KCNIP4: variants seen among roughly 807,000 people sequenced by gnomAD.
KCNIP4 encodes potassium voltage-gated channel interacting protein 4, also known as Kv channel-interacting protein 4.
Under a neutral mutation model 34.0 loss-of-function variants are expected in KCNIP4, and 12 were observed. The ratio of observed to expected loss-of-function variants is 0.35; its 90% CI spans 0.23 to 0.57. The LOEUF (loss-of-function observed/expected upper bound fraction) is 0.57. Ranked by LOEUF, KCNIP4 falls within the 20% of genes least tolerant of loss-of-function variation. The pLI is 0.83. For synonymous variants in KCNIP4, 124 were observed against 102.2 expected (o/e 1.21, Z -1.29); for missense variants, 238 against 311.7 (o/e 0.76, Z 1.78).
At chr4:21,779,000 G>A (rs1006242548) in intron 1 of KCNIP4, among the ~76,000 whole-genome samples, 9 of 150,340 alleles carry the variant, frequency 6.0e-5, no homozygotes, top group South Asian at 2.1e-4. Context: ...GAGTGTGCAC[G>A]TGTGTGGGCA....
chr4:20,975,596 G>C (rs1006450525), intron 1 of KCNIP4, among the ~76,000 whole-genome samples: 4 of 152,156 alleles, frequency 2.6e-5, no homozygotes, highest in African/African-American at 9.7e-5. Flanking sequence ...CAGTTTGGCA[G>C]ACAATTCCAC....
rs574776750 is a variant in KCNIP4 at position 21,073,758 on chromosome 4, A to C, written c.62-191049T>G. Among the ~76,000 whole-genome samples the C allele has an allele frequency of 5.3e-5, 8 of 152,254 alleles. No homozygotes were observed. The East Asian group carries it at 1.3e-3, about 26-fold the overall frequency. ...TTCCAGTTTTTGTCCATTCAGTATG[A>C]TATTGGCCATGGGGTTATCATAAAG... On this transcript the variant is annotated intron_variant, in intron 1 of 8. Coordinates refer to ENST00000382152, the MANE Select transcript of KCNIP4 (RefSeq NM_025221.6).
intron 1 of KCNIP4, among the ~76,000 whole-genome samples, chr4:21,892,565 A>G (rs1457821650): frequency 6.6e-6 from 1 of 151,512 alleles, no homozygotes; most frequent in Non-Finnish European, 1.5e-5. Context: ...AAAAAAAAAA[A>G]AAACTATTGA....
At chr4:20,917,704 CA>C (rs1316439994) in intron 1 of KCNIP4, among the ~76,000 whole-genome samples, 1 of 152,120 alleles carries the variant, frequency 6.6e-6, no homozygotes, top group African/African-American at 2.4e-5. Flanking sequence ...TCTTGAGAAA[CA>C]AATCTGGCCA....
chr4:21,818,690 T>A (rs950775556), intron 1 of KCNIP4, among the ~76,000 whole-genome samples: 1 of 152,210 alleles, frequency 6.6e-6, no homozygotes, highest in African/African-American at 2.4e-5. Context: ...ACTGCTGCAA[T>A]AGATAGTACT....
intron 1 of KCNIP4, among the ~76,000 whole-genome samples, chr4:21,358,150 C>A (rs1718847842): frequency 6.6e-6 from 1 of 152,044 alleles, no homozygotes; most frequent in African/African-American, 2.4e-5. Context: ...AAGAGAACAT[C>A]ACACAGCGGG....
chr4:21,427,421 G>A (rs1355327972), intron 1 of KCNIP4, among the ~76,000 whole-genome samples: 1 of 151,836 alleles, frequency 6.6e-6, no homozygotes, highest in African/African-American at 2.4e-5. Context: ...ATTAAAAAAG[G>A]GACCATACCA....
At chr4:20,982,351 T>A (rs1736145665) in intron 1 of KCNIP4, among the ~76,000 whole-genome samples, 1 of 152,236 alleles carries the variant, frequency 6.6e-6, no homozygotes, top group South Asian at 2.1e-4. Flanking sequence ...ATCATAGAAA[T>A]TGAAATTGCT....
At chr4:21,457,024 C>T (rs1468451490) in intron 1 of KCNIP4, among the ~76,000 whole-genome samples, 1 of 151,954 alleles carries the variant, frequency 6.6e-6, no homozygotes, top group Non-Finnish European at 1.5e-5. Context: ...TCTTTGGTGG[C>T]CTTTGCACAT....
At chr4:21,659,690 GTTA>G (rs576403309) in intron 1 of KCNIP4, among the ~76,000 whole-genome samples, 94 of 152,152 alleles carry the variant, frequency 6.2e-4, no homozygotes, top group African/African-American at 2.2e-3. Context: ...ATTATTGATT[GTTA>G]TTATTATTTT....
chr4:21,128,229 G>T (rs1178798095), intron 1 of KCNIP4, among the ~76,000 whole-genome samples: 1 of 152,174 alleles, frequency 6.6e-6, no homozygotes. Flanking sequence ...GAAAGTCAAG[G>T]GAAGAAAGTC....
At chr4:21,038,057 A>C (rs1741611894) in intron 1 of KCNIP4, among the ~76,000 whole-genome samples, 1 of 152,158 alleles carries the variant, frequency 6.6e-6, no homozygotes, top group Non-Finnish European at 1.5e-5. Flanking sequence ...AGCTCACTGC[A>C]ACCTCTACCT....
chr4:21,607,332 T>G (rs756817672), intron 1 of KCNIP4, among the ~76,000 whole-genome samples: 1 of 152,118 alleles, frequency 6.6e-6, no homozygotes, highest in Non-Finnish European at 1.5e-5. Context: ...ACAGCACAAG[T>G]ACTCAATTAA....
At chr4:21,752,237 G>A (rs184447081) in intron 1 of KCNIP4, among the ~76,000 whole-genome samples, 1 of 152,162 alleles carries the variant, frequency 6.6e-6, no homozygotes, top group East Asian at 1.9e-4. Flanking sequence ...TCAGAGACTG[G>A]GTAATTTATA....
intron 1 of KCNIP4, chr4:21,697,674 T>C (rs1712491153): frequency 7.9e-7 from 1 of 1,270,900 alleles, no homozygotes. Flanking sequence ...GGCTTCTCAG[T>C]GTGGTGACCA....
intron 1 of KCNIP4, among the ~76,000 whole-genome samples, chr4:21,073,476 C>T (rs1745171762): frequency 6.6e-6 from 1 of 152,140 alleles, no homozygotes; most frequent in African/African-American, 2.4e-5. Flanking sequence ...GTGATTTTTG[C>T]ACATTGATTC....
chr4:21,871,285 G>A (rs1401105338), intron 1 of KCNIP4, among the ~76,000 whole-genome samples: 1 of 95,972 alleles, frequency 1.0e-5, no homozygotes, highest in South Asian at 3.9e-4. Flanking sequence ...CCCCACAACA[G>A]GCCCCGGTGT....
At chr4:21,622,296 C>A (rs1745045229) in intron 1 of KCNIP4, among the ~76,000 whole-genome samples, 1 of 152,182 alleles carries the variant, frequency 6.6e-6, no homozygotes, top group Non-Finnish European at 1.5e-5. Context: ...AAAACGGGCC[C>A]TTCTGAGTAT....
At chr4:21,544,728 A>G (rs1290322672) in intron 1 of KCNIP4, 2 of 152,142 alleles carry the variant, frequency 1.3e-5, no homozygotes, top group African/African-American at 2.4e-5. Context: ...TTCCTGGAAA[A>G]CTCATGAATA....
Sources: gnomAD v4.1 joint callset for allele counts (sites outside exome capture counted in the v4.1 genomes callset) on GRCh38, gnomAD v4.1.1 for gene constraint, MANE v1.5 for transcripts, NCBI Gene and HGNC (gene_info 2026-07-23, HGNC 2026-07-21) for gene names.